The following VPS13C variants were observed in gnomAD, a reference collection of about 807,000 sequenced individuals.
VPS13C encodes vacuolar protein sorting 13 homolog C, also known as intermembrane lipid transfer protein VPS13C.
Under a neutral mutation model 456.8 loss-of-function variants are expected in VPS13C, and 358 were observed. The ratio of observed to expected loss-of-function variants is 0.78; its 90% CI spans 0.72 to 0.86. VPS13C has a LOEUF of 0.86. Among genes scored for constraint, VPS13C ranks in the 40% least tolerant of loss-of-function variants. The pLI is 0.00. For missense variants in VPS13C, 4,818 were observed against 4,385.4 expected (o/e 1.10, Z -2.79); for synonymous variants, 1,578 against 1,486.7 (o/e 1.06, Z -1.41).
Position 61,961,474 on chromosome 15 carries a change from C to G in VPS13C, c.3908+115G>C. On this transcript the variant is annotated intron_variant, in intron 35 of 84. Coordinates refer to ENST00000644861, the MANE Select transcript of VPS13C (RefSeq NM_020821.3). ...ATGACAACAATAAAAAAAACTGTTC[C>G]GTGTAATGGAACAGTTTATTTGAAT... The G allele has an allele frequency of 4.1e-6, 4 of 970,052 alleles. No homozygotes were observed. In the Admixed American group the frequency reaches 1.3e-4, roughly 30 times the overall value. 60.1% of individuals were successfully genotyped at this position (970,052 alleles called of 1,614,324 possible).
At chr15:61,916,659 C>A (rs1224199775) in intron 60 of VPS13C, among the ~76,000 whole-genome samples, 2 of 151,914 alleles carry the variant, frequency 1.3e-5, no homozygotes, top group African/African-American at 4.8e-5. Flanking sequence ...GATAAAAAAA[C>A]ATGTAGGTTC....
intron 66 of VPS13C, among the ~76,000 whole-genome samples, chr15:61,894,481 GAA>G (rs2042744951): frequency 6.6e-6 from 1 of 151,564 alleles, no homozygotes; most frequent in Non-Finnish European, 1.5e-5. Context: ...TTGTCTACCA[GAA>G]ACACACTTCA....
At chr15:62,002,548 C>T (rs935977561) in intron 15 of VPS13C, among the ~76,000 whole-genome samples, 7 of 152,128 alleles carry the variant, frequency 4.6e-5, no homozygotes, top group African/African-American at 1.7e-4. Context: ...TCTATTTTGG[C>T]TTTTGTTGCC....
chr15:62,001,262 A>T (rs2140460969), intron 15 of VPS13C, among the ~76,000 whole-genome samples: 1 of 152,344 alleles, frequency 6.6e-6, no homozygotes, highest in East Asian at 1.9e-4. Flanking sequence ...GTCCATAATC[A>T]GAAGGACACT....
chr15:61,891,578 A>G (rs1359847460), intron 66 of VPS13C, among the ~76,000 whole-genome samples: 2 of 152,142 alleles, frequency 1.3e-5, no homozygotes, highest in African/African-American at 4.8e-5. Flanking sequence ...TTTTTCATCT[A>G]TTTCATGTGA....
intron 80 of VPS13C, 74 bp from the exon 81 acceptor site, chr15:61,868,847 A>G (rs1894789667): frequency 7.7e-6 from 9 of 1,164,382 alleles, no homozygotes; most frequent in Middle Eastern, 4.0e-4. Flanking sequence ...TTGATTAAAT[A>G]CATAAATATT....
chr15:61,854,849 G>T (rs766029455), intron 84 of VPS13C, 22 bp downstream of exon 84: 1 of 1,585,396 alleles, frequency 6.3e-7, no homozygotes, highest in Admixed American at 1.9e-5. Context: ...AAAAATTGAG[G>T]CATGCTCTTT....
chr15:61,892,820 C>A lies in VPS13C; in HGVS notation c.9106-2420G>T, dbSNP rs1413923990. Among the ~76,000 whole-genome samples, 5 of 152,072 alleles carry A rather than the reference C, an allele frequency of 3.3e-5. No individual in the cohort carries two copies. The East Asian group carries it at 7.7e-4, about 23-fold the overall frequency. On this transcript the variant is annotated intron_variant, in intron 66 of 84. Transcript: ENST00000644861. ...GAAATAATAAAATTAAACAGAAATG[C>A]TGGAATGATGAAATAAATTTGCTGA...
chr15:61,856,592 T>C (rs1893919517), intron 82 of VPS13C, 183 bp from the exon 83 acceptor site: 3 of 512,218 alleles, frequency 5.9e-6, no homozygotes, highest in Non-Finnish European at 9.6e-6. Context: ...AGAGCAAATA[T>C]GACACCTACC....
At position 61,882,755 on chromosome 15, in the gene VPS13C, T is replaced by A. The variant is rs750895150; in HGVS notation, c.9484-19A>T. On this transcript the variant is annotated intron_variant, in intron 68 of 84. Coordinates refer to ENST00000644861, the MANE Select transcript of VPS13C (RefSeq NM_020821.3). The stretch of plus-strand genomic sequence containing the variant: ...AATTGACCTAGAAAAAAAGCACATG[T>A]TTTTGTGATGAGCTGATATTAGCAC... The A allele has an allele frequency of 1.3e-6, 2 of 1,577,776 alleles. No homozygotes were observed. The highest frequency in any genetic ancestry group is 2.3e-5 in the East Asian group (1 of 44,276).
intron 67 of VPS13C, among the ~76,000 whole-genome samples, chr15:61,889,780 A>G (rs1896542189): frequency 6.6e-6 from 1 of 152,134 alleles, no homozygotes; most frequent in Non-Finnish European, 1.5e-5. Flanking sequence ...ACTGCACAAA[A>G]CAAACTAGTC....
At chr15:61,998,274 A>C (rs577252413) in intron 16 of VPS13C, among the ~76,000 whole-genome samples, 1 of 152,286 alleles carries the variant, frequency 6.6e-6, no homozygotes, top group Admixed American at 6.5e-5. Context: ...ACCCTGTTTA[A>C]AACTGCAAAT....
rs73416530 is a variant in VPS13C, at chr15:62,041,101, C to T, written c.187+223G>A. Among the ~76,000 whole-genome samples, 518 of 152,156 alleles carry T rather than the reference C, an allele frequency of 3.4e-3. 2 individuals are homozygous for T. The highest frequency in any genetic ancestry group is 0.012 in the African/African-American group (499 of 41,502). On this transcript the variant is annotated intron_variant, in intron 3 of 84. Transcript: ENST00000644861. ...AACCAAAGCCTGAAGAATGCAATTGCAGTTCAAATAGCCTTCCATTTTCTA... is the reference window on the plus strand; with the variant it reads ...AACCAAAGCCTGAAGAATGCAATTGTAGTTCAAATAGCCTTCCATTTTCTA...
intron 37 of VPS13C, among the ~76,000 whole-genome samples, chr15:61,955,561 G>C (rs2044962626): frequency 6.6e-6 from 1 of 152,114 alleles, no homozygotes; most frequent in Non-Finnish European, 1.5e-5. Flanking sequence ...CATAGCGCAA[G>C]GTTTCCTAAC....
chr15:61,897,267 G>C (rs2042853636), intron 66 of VPS13C, among the ~76,000 whole-genome samples: 1 of 152,204 alleles, frequency 6.6e-6, no homozygotes, highest in Admixed American at 6.5e-5. Flanking sequence ...ACTTTGATGA[G>C]CTAAGAGAAG....
At chr15:61,894,773 G>A (rs950996663) in intron 66 of VPS13C, among the ~76,000 whole-genome samples, 2 of 152,060 alleles carry the variant, frequency 1.3e-5, no homozygotes, top group African/African-American at 4.8e-5. Flanking sequence ...AGATAGACTG[G>A]AATACAATAT....
At position 61,913,428 on chromosome 15, in the gene VPS13C, G is replaced by A; in HGVS notation, c.8446-13C>T. 2 of 1,597,038 alleles carry A rather than the reference G, an allele frequency of 1.3e-6. No homozygotes were observed. On this transcript the variant is annotated splice_polypyrimidine_tract_variant and intron_variant, in intron 61 of 84. Transcript: ENST00000644861. ...TTTTTAATTGTACCTATACCAGAGA[G>A]CACATATCGTCATATAAGAAATCTA...
chr15:62,033,410 T>G, intron 5 of VPS13C, 31 bp downstream of exon 5: 1 of 1,399,666 alleles, frequency 7.1e-7, no homozygotes, highest in East Asian at 2.4e-5. Flanking sequence ...AATATAGGTA[T>G]GTCTAAGTTT....
At chr15:61,980,489 G>C (rs1041067109) in intron 22 of VPS13C, among the ~76,000 whole-genome samples, 2 of 152,122 alleles carry the variant, frequency 1.3e-5, no homozygotes, top group Admixed American at 1.3e-4. Context: ...CTTCACCAGA[G>C]AGTCCTTCTT....
Sources: gnomAD v4.1 joint callset for allele counts (sites outside exome capture counted in the v4.1 genomes callset) on GRCh38, gnomAD v4.1.1 for gene constraint, MANE v1.5 for transcripts, NCBI Gene and HGNC (gene_info 2026-07-23, HGNC 2026-07-21) for gene names.